The following SRPK2 variants were observed in gnomAD, a reference collection of about 807,000 sequenced individuals.
SRPK2 encodes the protein SFRS protein kinase 2.
A neutral mutation model predicts 90.8 loss-of-function variants in SRPK2; 21 were observed. The observed-to-expected ratio is 0.23, with a 90% CI of 0.16 to 0.33. SRPK2 has a LOEUF of 0.33. Among genes scored for constraint, SRPK2 ranks in the 10% least tolerant of loss-of-function variants. The pLI, the probability that SRPK2 is intolerant of heterozygous loss-of-function variation, is 1.00. For synonymous variants in SRPK2, 288 were observed against 311.1 expected, an observed-to-expected ratio of 0.93 and a Z score of 0.78; for missense variants, 620 against 869.0, an observed-to-expected ratio of 0.71 and a Z score of 3.60.
chr7:105,230,902 T>A (rs1282314763), intron 2 of SRPK2, among the ~76,000 whole-genome samples: 5 of 152,252 alleles, frequency 3.3e-5, no homozygotes, highest in African/African-American at 1.2e-4. Flanking sequence ...GTTAATACTA[T>A]AAATGCAATA....
rs1585537513 is a variant in SRPK2 at position 105,286,405 on chromosome 7, T to C, written c.72-82620A>G. ...CTAAGTGTTTGGAGGGTAAAAGTCA[T>C]TAACATATTAACTGTCCATAAAGAA... On this transcript the variant is annotated intron_variant, in intron 2 of 15. Coordinates refer to ENST00000393651, the MANE Select transcript of SRPK2 (RefSeq NM_182692.3). 2.0e-5 allele frequency among the ~76,000 whole-genome samples: 3 copies of C among 152,318 alleles called. No homozygotes were observed. The South Asian group carries it at 6.2e-4, about 32-fold the overall frequency.
intron 2 of SRPK2, among the ~76,000 whole-genome samples, chr7:105,296,147 T>C (rs1213723574): frequency 1.3e-5 from 2 of 152,224 alleles, no homozygotes; most frequent in East Asian, 3.8e-4. Flanking sequence ...TTCCATAAAC[T>C]ACTCCACAAG....
chr7:105,318,732 A>G (rs190449699), intron 2 of SRPK2, among the ~76,000 whole-genome samples: 1 of 152,338 alleles, frequency 6.6e-6, no homozygotes, highest in East Asian at 1.9e-4. Context: ...CCCTTTGAGA[A>G]TATGAGTAAG....
intron 7 of SRPK2, among the ~76,000 whole-genome samples, chr7:105,148,280 G>A (rs1034915947): frequency 1.2e-4 from 18 of 152,276 alleles, no homozygotes; most frequent in Middle Eastern, 3.4e-3. Context: ...TGCAAGAGAA[G>A]GGGGGCTTGA....
intron 6 of SRPK2, among the ~76,000 whole-genome samples, chr7:105,162,836 C>T (rs1374044290): frequency 6.6e-6 from 1 of 152,156 alleles, no homozygotes; most frequent in Non-Finnish European, 1.5e-5. Flanking sequence ...GTAAAAATAC[C>T]CACTAGAACG....
chr7:105,144,485 G>A (rs2129577107), intron 9 of SRPK2, among the ~76,000 whole-genome samples: 1 of 151,734 alleles, frequency 6.6e-6, no homozygotes, highest in South Asian at 2.1e-4. Flanking sequence ...AAGTGATCTA[G>A]TGGCCTCAGC....
At chr7:105,284,899 CA>C (rs1307353292) in intron 2 of SRPK2, among the ~76,000 whole-genome samples, 3 of 152,100 alleles carry the variant, frequency 2.0e-5, no homozygotes, top group Non-Finnish European at 2.9e-5. Flanking sequence ...ACATAGGCAC[CA>C]ACTAAAAATC....
At chr7:105,267,070 T>A (rs747598187) in intron 2 of SRPK2, among the ~76,000 whole-genome samples, 17 of 152,188 alleles carry the variant, frequency 1.1e-4, no homozygotes, top group Admixed American at 6.5e-5. Flanking sequence ...CATGAAGTTA[T>A]CAGAAGCAAT....
chr7:105,396,433 A>G (rs1586043094), intron 1 of SRPK2, among the ~76,000 whole-genome samples: 1 of 151,660 alleles, frequency 6.6e-6, no homozygotes, highest in African/African-American at 2.4e-5. Context: ...GTCAGGAGAT[A>G]GAGAACATCC....
intron 2 of SRPK2, among the ~76,000 whole-genome samples, chr7:105,366,012 G>A (rs995255064): frequency 2.0e-5 from 3 of 151,750 alleles, no homozygotes; most frequent in Non-Finnish European, 4.4e-5. Context: ...ACGCTACCAC[G>A]CCCAGCTAAT....
chr7:105,338,517 A>G (rs1367846740), intron 2 of SRPK2, among the ~76,000 whole-genome samples: 1 of 152,130 alleles, frequency 6.6e-6, no homozygotes, highest in African/African-American at 2.4e-5. Flanking sequence ...TCAGCCTCCT[A>G]AAGTCCTGGG....
chr7:105,357,341 A>AT (rs903283560), intron 2 of SRPK2, among the ~76,000 whole-genome samples: 2 of 152,140 alleles, frequency 1.3e-5, no homozygotes, highest in African/African-American at 4.8e-5. Context: ...GCCCAGCCAA[A>AT]TAACACTAAT....
chr7:105,328,006 C>T (rs1339375301), intron 2 of SRPK2, among the ~76,000 whole-genome samples: 1 of 152,086 alleles, frequency 6.6e-6, no homozygotes, highest in Non-Finnish European at 1.5e-5. Context: ...TCAGTTCTGA[C>T]CTCAAGTGAT....
chr7:105,191,678 C>G (rs1451195899), intron 3 of SRPK2, among the ~76,000 whole-genome samples: 1 of 152,018 alleles, frequency 6.6e-6, no homozygotes. Context: ...GTTTTCTGGT[C>G]ACTGCCCTCC....
intron 2 of SRPK2, among the ~76,000 whole-genome samples, chr7:105,339,934 TG>T (rs1310509692): frequency 2.0e-5 from 3 of 152,006 alleles, no homozygotes; most frequent in Non-Finnish European, 4.4e-5. Context: ...GGCACACACC[TG>T]TAGTCAAAGC....
At chr7:105,158,299 G>A (rs1806837914) in intron 7 of SRPK2, among the ~76,000 whole-genome samples, 1 of 151,260 alleles carries the variant, frequency 6.6e-6, no homozygotes, top group Non-Finnish European at 1.5e-5. Flanking sequence ...CTGTTGCCCA[G>A]GCTGGAGTGC....
intron 2 of SRPK2, chr7:105,205,998 T>C (rs746017205): frequency 3.9e-6 from 2 of 519,028 alleles, no homozygotes; most frequent in South Asian, 1.4e-5. Flanking sequence ...ATGATGGCTC[T>C]TGTGCTGCCA....
intron 2 of SRPK2, among the ~76,000 whole-genome samples, chr7:105,374,752 G>A (rs970017848): frequency 1.3e-5 from 2 of 152,082 alleles, no homozygotes; most frequent in Non-Finnish European, 2.9e-5. Flanking sequence ...AGGGATTACA[G>A]GCGCCCGCCA....
At chr7:105,386,032 C>G (rs1021467416) in intron 2 of SRPK2, among the ~76,000 whole-genome samples, 2 of 152,172 alleles carry the variant, frequency 1.3e-5, no homozygotes, top group East Asian at 1.9e-4. Context: ...ACTCTATCAC[C>G]GGCCGGGCTT....
Sources: allele counts gnomAD v4.1 joint callset (sites outside exome capture counted in the v4.1 genomes callset), GRCh38; gene constraint gnomAD v4.1.1; transcripts MANE v1.5; gene names NCBI Gene and HGNC (gene_info 2026-07-23, HGNC 2026-07-21).